Variants in BBS4 observed in about 807,000 individuals in gnomAD.
The protein encoded by BBS4 is BBSome complex member BBS4.
BBS4 carries 58 observed loss-of-function variants against 71.4 expected under a neutral mutation model. The ratio of observed to expected loss-of-function variants is 0.81; its 90% confidence interval spans 0.66 to 1.01. The LOEUF is 1.01. BBS4 is among the 50% of genes least tolerant of loss of function. The probability of loss-of-function intolerance (pLI) is 0.00; values close to 1 mark genes in which losing one functional copy is unlikely to be tolerated. For missense variants in BBS4, 660 were observed against 607.9 expected, an observed-to-expected ratio of 1.09 and a Z score of -0.90; for synonymous variants, 228 against 216.8, an observed-to-expected ratio of 1.05 and a Z score of -0.46.
chr15:72,734,849 C>T (rs867375109), intron 12 of BBS4, among the ~76,000 whole-genome samples: 1 of 152,058 alleles, frequency 6.6e-6, no homozygotes, highest in Non-Finnish European at 1.5e-5. Context: ...GACTTTGACA[C>T]TGGGGAATAA....
chr15:72,687,577 A>G (rs1381119900), intron 1 of BBS4, among the ~76,000 whole-genome samples: 1 of 143,766 alleles, frequency 7.0e-6, no homozygotes, highest in African/African-American at 2.6e-5. Context: ...GCACTCCAGC[A>G]TGAGCGACAG....
chr15:72,703,844 A>G (rs1462835904), intron 2 of BBS4, among the ~76,000 whole-genome samples: 1 of 152,184 alleles, frequency 6.6e-6, no homozygotes, highest in East Asian at 1.9e-4. Flanking sequence ...TCTGCTTAGT[A>G]CTTATATAGC....
At chr15:72,723,246 G>T (rs1371500657) in intron 7 of BBS4, among the ~76,000 whole-genome samples, 1 of 152,106 alleles carries the variant, frequency 6.6e-6, no homozygotes, top group African/African-American at 2.4e-5. Context: ...TAGGGTCATT[G>T]AAAATAAATT....
At chr15:72,697,493 A>C (rs899620361) in intron 2 of BBS4, among the ~76,000 whole-genome samples, 3 of 152,206 alleles carry the variant, frequency 2.0e-5, no homozygotes, top group African/African-American at 7.2e-5. Flanking sequence ...GGTAGATGAC[A>C]GTAGCACTTA....
intron 10 of BBS4, 114 bp from the exon 11 acceptor site, chr15:72,731,191 T>C (rs2065812965): frequency 4.5e-6 from 6 of 1,325,268 alleles, no homozygotes; most frequent in African/African-American, 2.9e-5. Flanking sequence ...CTGGAAGAAA[T>C]TTTCCAGTCC....
At chr15:72,728,877 T>C (rs1321638072) in intron 9 of BBS4, among the ~76,000 whole-genome samples, 2 of 152,190 alleles carry the variant, frequency 1.3e-5, no homozygotes, top group Non-Finnish European at 2.9e-5. Flanking sequence ...GCCCTGCCTC[T>C]GTGGTGGCCT....
chr15:72,710,122 G>A (rs552877418), intron 3 of BBS4, among the ~76,000 whole-genome samples: 32 of 151,630 alleles, frequency 2.1e-4, no homozygotes, highest in African/African-American at 6.8e-4. Context: ...TTGGTCTTCT[G>A]GTGGAGGCAG....
At chr15:72,692,691 C>T (rs1417175151) in intron 1 of BBS4, among the ~76,000 whole-genome samples, 1 of 151,530 alleles carries the variant, frequency 6.6e-6, no homozygotes, top group African/African-American at 2.4e-5. Flanking sequence ...GCTTCCTGGG[C>T]TTAAGAGATC....
At chr15:72,710,929 T>C (rs1008425901) in intron 3 of BBS4, among the ~76,000 whole-genome samples, 2 of 151,944 alleles carry the variant, frequency 1.3e-5, no homozygotes, top group Non-Finnish European at 2.9e-5. Flanking sequence ...TCGCTGGGAT[T>C]ACAGGTGCCC....
intron 7 of BBS4, among the ~76,000 whole-genome samples, chr15:72,723,412 A>G (rs2065611527): frequency 6.6e-6 from 1 of 152,230 alleles, no homozygotes; most frequent in African/African-American, 2.4e-5. Flanking sequence ...CAGGTAAGAA[A>G]AAGTATATAT....
At chr15:72,707,525 C>G (rs1251993276) in intron 2 of BBS4, among the ~76,000 whole-genome samples, 1 of 151,998 alleles carries the variant, frequency 6.6e-6, no homozygotes, top group Non-Finnish European at 1.5e-5. Context: ...TTAAAATTCA[C>G]AAAAAATAAT....
At chr15:72,733,845 C>T (rs951437256) in intron 12 of BBS4, among the ~76,000 whole-genome samples, 2 of 152,144 alleles carry the variant, frequency 1.3e-5, no homozygotes, top group Non-Finnish European at 2.9e-5. Context: ...TGGGGAATTG[C>T]CAGATTGCTT....
intron 8 of BBS4, among the ~76,000 whole-genome samples, chr15:72,726,445 C>T (rs565789778): frequency 6.6e-6 from 1 of 152,256 alleles, no homozygotes; most frequent in South Asian, 2.1e-4. Flanking sequence ...ATAGCTGTAG[C>T]AAAATGCCTT....
chr15:72,707,477 C>T (rs1395755414), intron 2 of BBS4, among the ~76,000 whole-genome samples: 1 of 152,094 alleles, frequency 6.6e-6, no homozygotes. Flanking sequence ...CCACATCTGG[C>T]CTCTTTTCCA....
chr15:72,696,253 A>G (rs2065074321), intron 2 of BBS4, among the ~76,000 whole-genome samples: 1 of 152,158 alleles, frequency 6.6e-6, no homozygotes, highest in Non-Finnish European at 1.5e-5. Context: ...TCAATTTCTG[A>G]TAATATTCCT....
chr15:72,736,108 A>G, intron 14 of BBS4, 142 bp downstream of exon 14: 3 of 928,386 alleles, frequency 3.2e-6, no homozygotes, highest in South Asian at 1.6e-5. Flanking sequence ...GAGTTCATCA[A>G]TTAATAACAG....
chr15:72,736,861 A>C lies in BBS4; in HGVS notation c.1348A>C (p.Thr450Pro), dbSNP rs749034070. 9.3e-6 allele frequency: 15 copies of C among 1,614,192 alleles called. No homozygotes were observed. Among genetic ancestry groups the C allele is most frequent in the Middle Eastern group, 3.3e-4 (2 of 6,062 alleles). ...AGATCCCAAATCAAAGCACCAGACC[A>C]CTTCAACCAGCAAACCTGCCAGTTT... Reference protein sequence around the residue: ...VKDPKSKHQTTSTSKPASFQQ... With the variant: ...VKDPKSKHQTPSTSKPASFQQ... Residue 450 changes from threonine to proline, a missense_variant, in exon 15 of 16, where the codon ACT becomes CCT. By Grantham distance (38) the Thr-to-Pro change is conservative. Transcript: ENST00000268057.
intron 6 of BBS4, 102 bp downstream of exon 6, chr15:72,716,952 C>G: frequency 1.1e-6 from 1 of 870,866 alleles, no homozygotes; most frequent in Non-Finnish European, 1.9e-6. Context: ...CCAAAAATGT[C>G]TTGATTTTAA....
At chr15:72,695,794 A>G (rs1410282621) in intron 2 of BBS4, among the ~76,000 whole-genome samples, 1 of 152,084 alleles carries the variant, frequency 6.6e-6, no homozygotes, top group Non-Finnish European at 1.5e-5. Context: ...CTTCTGGAAA[A>G]ACCACTTTGT....
Sources: gnomAD v4.1 joint callset for allele counts (sites outside exome capture counted in the v4.1 genomes callset) on GRCh38, gnomAD v4.1.1 for gene constraint, MANE v1.5 for transcripts, NCBI Gene and HGNC (gene_info 2026-07-23, HGNC 2026-07-21) for gene names.